The following GALC variants were observed in gnomAD, a reference collection of about 807,000 sequenced individuals.
GALC encodes the protein galactosylceramidase.
Under a neutral mutation model 91.8 loss-of-function variants are expected in GALC, and 77 were observed. That is an observed-to-expected ratio of 0.84 (90% CI 0.70 to 1.01). The LOEUF (loss-of-function observed/expected upper bound fraction) is 1.01. Ranked by LOEUF, GALC falls within the 50% of genes least tolerant of loss-of-function variation. The probability of loss-of-function intolerance (pLI) is 0.00; values close to 1 mark genes in which losing one functional copy is unlikely to be tolerated. For synonymous variants in GALC, 357 were observed against 306.7 expected (o/e 1.16, Z -1.71); for missense variants, 882 against 855.9 (o/e 1.03, Z -0.38).
chr14:87,961,064 A>G (rs190672013), intron 10 of GALC, among the ~76,000 whole-genome samples: 1 of 152,332 alleles, frequency 6.6e-6, no homozygotes, highest in Non-Finnish European at 1.5e-5. Context: ...TGCAAATTAT[A>G]TTTCTGATAA....
At chr14:87,973,816 A>G (rs774555073) in intron 7 of GALC, among the ~76,000 whole-genome samples, 1 of 152,190 alleles carries the variant, frequency 6.6e-6, no homozygotes, top group East Asian at 1.9e-4. Flanking sequence ...GCCTCCATCC[A>G]TCGGATTCCA....
chr14:87,938,030 G>A (rs374604012), intron 16 of GALC, among the ~76,000 whole-genome samples: 6 of 151,700 alleles, frequency 4.0e-5, no homozygotes, highest in South Asian at 2.1e-4. Context: ...AAGTCAAATC[G>A]AATAATATAT....
At chr14:87,960,902 T>C (rs2139986747) in intron 10 of GALC, among the ~76,000 whole-genome samples, 1 of 152,230 alleles carries the variant, frequency 6.6e-6, no homozygotes, top group African/African-American at 2.4e-5. Flanking sequence ...TTCAGAACCT[T>C]GAATTAGGCA....
At chr14:87,986,103 C>A (rs1415851781) in intron 4 of GALC, among the ~76,000 whole-genome samples, 1 of 152,164 alleles carries the variant, frequency 6.6e-6, no homozygotes, top group Non-Finnish European at 1.5e-5. Context: ...CAGTGTTACC[C>A]TTTTATAAAT....
intron 1 of GALC, chr14:87,989,644 C>A: frequency 6.6e-6 from 1 of 152,474 alleles, no homozygotes; most frequent in Non-Finnish European, 1.5e-5. Context: ...CCCTCCTCTA[C>A]TCTTCAACCC....
chr14:87,948,884 G>A (rs1885189856), intron 12 of GALC, among the ~76,000 whole-genome samples: 1 of 151,994 alleles, frequency 6.6e-6, no homozygotes, highest in African/African-American at 2.4e-5. Context: ...CAGAAAAAGT[G>A]GTAGACTTGT....
rs1389088967 is a variant in GALC at position 87,988,331 on chromosome 14, T to C, written c.264+124A>G. On this transcript the variant is annotated intron_variant, in intron 2 of 16. Transcript: ENST00000261304. ...AAGCAAAACTTCAAATAGCAATTTA[T>C]TCCAAAAGTAATGTGCCATTTTTTC... is the stretch of plus-strand genomic sequence containing the variant. 19 of 1,250,932 alleles carry C rather than the reference T, an allele frequency of 1.5e-5. No homozygotes were observed. In the Middle Eastern group the frequency reaches 5.8e-4, roughly 38 times the overall value. 77.5% of individuals were successfully genotyped at this position (1,250,932 alleles called of 1,614,324 possible). A position where few individuals can be genotyped will look rare whatever the true frequency, so the allele number is the denominator to read the frequency against.
In GALC at chr14:87,934,747, C is replaced by G. The variant is rs1201846931; in HGVS notation, c.2043G>C (p.Val681=). The G allele has an allele frequency of 6.2e-7, 1 of 1,613,040 alleles. No homozygotes were observed. Among genetic ancestry groups the G allele is most frequent in the Non-Finnish European group, 8.5e-7 (1 of 1,179,432 alleles). Residue 681 remains valine (V), a synonymous_variant, in exon 17 of 17, where the codon GTG becomes GTC. Coordinates refer to ENST00000261304, the MANE Select transcript of GALC (RefSeq NM_000153.4). ...CTGTTAAGTATTAGCGTGTGGCTTC[C>G]ACAAGAAAGTTGTCAAACTGTGCAA... ...FEFAQFDNFL[V]EATR
At chr14:87,992,494 C>T in intron 1 of GALC, 2 of 1,532,146 alleles carry the variant, frequency 1.3e-6, no homozygotes, top group Admixed American at 2.0e-5. Flanking sequence ...GACTTAACGA[C>T]TCCACCACCC....
At chr14:87,943,706 A>G (rs992801638) in intron 14 of GALC, among the ~76,000 whole-genome samples, 1 of 151,986 alleles carries the variant, frequency 6.6e-6, no homozygotes, top group African/African-American at 2.4e-5. Context: ...GAAATCCATC[A>G]AAGTGCCTAC....
chr14:87,993,225 A>T, upstream of GALC: 1 of 1,547,880 alleles, frequency 6.5e-7, no homozygotes, highest in Non-Finnish European at 8.7e-7. Flanking sequence ...CACGATAGAT[A>T]CGGGCAGGAG....
At chr14:87,954,695 T>C in intron 10 of GALC, 1 of 1,556,778 alleles carries the variant, frequency 6.4e-7, no homozygotes, top group East Asian at 2.2e-5. Flanking sequence ...AGAGCTGTCA[T>C]TTCCTATTAC....
intron 11 of GALC, 60 bp downstream of exon 11, chr14:87,950,599 G>A (rs1174909952): frequency 1.9e-6 from 2 of 1,074,656 alleles, no homozygotes; most frequent in Non-Finnish European, 2.8e-6. Context: ...CTACTGGCCT[G>A]TGACAGAATA....
intron 1 of GALC, chr14:87,992,427 T>C (rs886486952): frequency 1.1e-5 from 17 of 1,535,474 alleles, no homozygotes; most frequent in Admixed American, 2.0e-5. Context: ...CGAAATCCTA[T>C]TCGGCGCTAC....
chr14:87,934,278 C>T lies in GALC; in HGVS notation c.*454G>A. 7.6e-7 allele frequency: 1 copy of T among 1,311,484 alleles called. No homozygotes were observed. The highest frequency in any genetic ancestry group is 1.5e-5 in the African/African-American group (1 of 66,966). 81.2% of individuals were successfully genotyped at this position (1,311,484 alleles called of 1,614,324 possible). Reference sequence around the variant, plus strand: ...TCAAAAAGCTACTTCTAGTGTTCTTCAGCTTTCTATTATGGCAGCATCATC... The same window carrying T: ...TCAAAAAGCTACTTCTAGTGTTCTTTAGCTTTCTATTATGGCAGCATCATC... On this transcript the variant is annotated 3_prime_UTR_variant, in exon 17 of 17. Transcript: ENST00000261304.
At chr14:87,973,705 A>C (rs1468225694) in intron 7 of GALC, among the ~76,000 whole-genome samples, 1 of 152,216 alleles carries the variant, frequency 6.6e-6, no homozygotes, top group African/African-American at 2.4e-5. Flanking sequence ...ATTAGTATGA[A>C]GCAGTTCCTC....
chr14:87,955,102 C>T (rs1308678523), intron 10 of GALC: 2 of 1,355,994 alleles, frequency 1.5e-6, no homozygotes, highest in Non-Finnish European at 2.1e-6. Context: ...GATTCAGAGC[C>T]TTTTTGTGTT....
intron 9 of GALC, 89 bp downstream of exon 9, chr14:87,965,416 C>T: frequency 7.3e-7 from 1 of 1,372,606 alleles, no homozygotes; most frequent in Admixed American, 1.7e-5. Flanking sequence ...CACGCATAGA[C>T]ACACAGTTTA....
chr14:87,988,427 T>G, intron 2 of GALC, 28 bp downstream of exon 2: 1 of 1,447,238 alleles, frequency 6.9e-7, no homozygotes, highest in South Asian at 1.1e-5. Flanking sequence ...ATATCACAGG[T>G]ACCATGAAAT....
Sources: gnomAD v4.1 joint callset for allele counts (sites outside exome capture counted in the v4.1 genomes callset) on GRCh38, gnomAD v4.1.1 for gene constraint, MANE v1.5 for transcripts, NCBI Gene and HGNC (gene_info 2026-07-23, HGNC 2026-07-21) for gene names.